Variants in CDC25C observed in about 807,000 individuals in gnomAD.
CDC25C encodes cell division cycle 25C.
In CDC25C, 48 loss-of-function variants were observed where a neutral mutation model predicts 52.5. The observed-to-expected ratio is 0.91, with a 90% confidence interval of 0.72 to 1.16. The LOEUF (loss-of-function observed/expected upper bound fraction) is 1.16, where lower values mean the gene tolerates loss of function less well. Among genes scored for constraint, CDC25C ranks in the 50% most tolerant of loss-of-function variants. The probability of loss-of-function intolerance (pLI) is 0.00; values close to 1 mark genes in which losing one functional copy is unlikely to be tolerated. For missense variants in CDC25C, 510 were observed against 566.1 expected, an observed-to-expected ratio of 0.90 and a Z score of 1.01; for synonymous variants, 187 against 206.5, an observed-to-expected ratio of 0.91 and a Z score of 0.81.
At chr5:138,319,497 G>A in intron 6 of CDC25C, 123 bp from the exon 7 acceptor site, 1 of 653,970 alleles carries the variant, frequency 1.5e-6, no homozygotes, top group Non-Finnish European at 2.3e-6. Context: ...CACTGGATTT[G>A]GATAATGCCA....
intron 7 of CDC25C, among the ~76,000 whole-genome samples, chr5:138,292,597 T>C (rs963662633): frequency 1.5e-5 from 2 of 132,594 alleles, no homozygotes; most frequent in African/African-American, 2.9e-5. Flanking sequence ...AGAAGAAAAA[T>C]AGCAAAAGAA....
intron 7 of CDC25C, among the ~76,000 whole-genome samples, chr5:138,305,624 C>G (rs2126728469): frequency 6.6e-6 from 1 of 152,256 alleles, no homozygotes; most frequent in African/African-American, 2.4e-5. Context: ...TGGTCTCAAA[C>G]TTGTCGACTC....
At chr5:138,316,995 G>A (rs1194850728) in intron 7 of CDC25C, among the ~76,000 whole-genome samples, 2 of 152,198 alleles carry the variant, frequency 1.3e-5, no homozygotes, top group Non-Finnish European at 2.9e-5. Flanking sequence ...GGCCAGAAAA[G>A]CAACACCCTA....
chr5:138,319,968 A>G (rs1045842748), intron 6 of CDC25C, among the ~76,000 whole-genome samples: 2 of 152,250 alleles, frequency 1.3e-5, no homozygotes, highest in Admixed American at 6.5e-5. Context: ...ATGTAGAATT[A>G]TCATGTAATC....
intron 1 of CDC25C, 113 bp from the exon 2 acceptor site, chr5:138,331,331 G>C: frequency 1.3e-6 from 1 of 772,920 alleles, no homozygotes; most frequent in South Asian, 1.8e-5. Context: ...AACCCCGAAG[G>C]GTGATTCACA....
exon 1 of CDC25C, chr5:138,338,272 G>A: frequency 3.2e-6 from 3 of 946,096 alleles, no homozygotes; most frequent in Non-Finnish European, 4.4e-6. Flanking sequence ...GCTCAGAGCT[G>A]CTCCGGCCGC....
chr5:138,311,808 A>G (rs984792782), intron 7 of CDC25C, among the ~76,000 whole-genome samples: 1 of 152,222 alleles, frequency 6.6e-6, no homozygotes, highest in Non-Finnish European at 1.5e-5. Context: ...TATTTATCTG[A>G]TAAGGGATTG....
At chr5:138,312,328 T>C (rs1214273339) in intron 7 of CDC25C, among the ~76,000 whole-genome samples, 2 of 152,104 alleles carry the variant, frequency 1.3e-5, no homozygotes, top group East Asian at 1.9e-4. Flanking sequence ...CATGATCACA[T>C]CACTGCACTG....
At position 138,310,834 on chromosome 5, in the gene CDC25C, G is replaced by A. The variant is rs576792320; in HGVS notation, c.615+8385C>T. ...TTTCCTTCAATAGGGACTTCGAATG[G>A]TGGTCAGATAGGGTTAGTTATCCTT... is the stretch of plus-strand genomic sequence containing the variant. On this transcript the variant is annotated intron_variant, in intron 7 of 13. Transcript: ENST00000323760. Among the ~76,000 whole-genome samples, 3 of 152,280 alleles carry A rather than the reference G, an allele frequency of 2.0e-5. No homozygotes were observed. In the East Asian group the frequency reaches 5.8e-4, roughly 29 times the overall value.
chr5:138,324,688 G>C (rs1308990752), intron 6 of CDC25C, among the ~76,000 whole-genome samples: 6 of 151,946 alleles, frequency 3.9e-5, no homozygotes, highest in African/African-American at 1.5e-4. Context: ...AACCCAGGAG[G>C]TAGAGGTTGC....
chr5:138,287,354 C>T, intron 10 of CDC25C, 87 bp from the exon 11 acceptor site: 1 of 858,234 alleles, frequency 1.2e-6, no homozygotes, highest in South Asian at 1.5e-5. Context: ...CAAGCATACT[C>T]CTGTTCTGTC....
In CDC25C at chr5:138,286,480, CCCATTTAGA is replaced by C; in HGVS notation, c.1160+8_1160+16del. The C allele has an allele frequency of 6.2e-7, 1 of 1,602,030 alleles. No homozygotes were observed. The highest frequency in any genetic ancestry group is 8.5e-7 in the Non-Finnish European group (1 of 1,173,514). On this transcript the variant is annotated splice_region_variant and intron_variant, in intron 12 of 13. Coordinates refer to ENST00000323760, the MANE Select transcript of CDC25C (RefSeq NM_001790.5). ...AATCCATTTCCATCACCCGCCAGAC[CCCATTTAGA>C]CACTCACATTCGGGGGCCCCTCTCT... is the stretch of plus-strand genomic sequence containing the variant.
intron 10 of CDC25C, among the ~76,000 whole-genome samples, chr5:138,288,555 G>A (rs577469113): frequency 6.6e-6 from 1 of 152,124 alleles, no homozygotes; most frequent in Non-Finnish European, 1.5e-5. Context: ...AAATTAGTCG[G>A]TGTGATGGCT....
At chr5:138,332,447 G>A (rs1369297669), upstream of CDC25C, among the ~76,000 whole-genome samples, 2 of 152,142 alleles carry the variant, frequency 1.3e-5, no homozygotes, top group African/African-American at 4.8e-5. Context: ...GCTCACGTGG[G>A]TAAAAAGAAA....
At chr5:138,303,028 C>T (rs182935142) in intron 7 of CDC25C, among the ~76,000 whole-genome samples, 151 of 152,204 alleles carry the variant, frequency 9.9e-4, no homozygotes, top group African/African-American at 3.3e-3. Flanking sequence ...TGTGATTGTG[C>T]CACGCACTCC....
In CDC25C at chr5:138,327,953, G is replaced by A. The variant is rs536916443; in HGVS notation, c.335+531C>T. Among the ~76,000 whole-genome samples, 11 of 151,436 alleles carry A rather than the reference G, an allele frequency of 7.3e-5. No individual in the cohort carries two copies. In the South Asian group the frequency reaches 1.5e-3, roughly 20 times the overall value. ...GCAGTCTTGGCTCACTGCAACCTCC[G>A]CCTCCTGGGCTCAAGTAATTCTCCT... On this transcript the variant is annotated intron_variant, in intron 4 of 13. Coordinates refer to ENST00000323760, the MANE Select transcript of CDC25C (RefSeq NM_001790.5).
At chr5:138,296,119 A>C (rs946322406) in intron 7 of CDC25C, among the ~76,000 whole-genome samples, 3 of 152,180 alleles carry the variant, frequency 2.0e-5, no homozygotes, top group Non-Finnish European at 4.4e-5. Flanking sequence ...GCAGCATCTG[A>C]CAGTCACTTC....
At chr5:138,290,551 A>G (rs1756621540) in intron 9 of CDC25C, 88 bp downstream of exon 9, 4 of 773,466 alleles carry the variant, frequency 5.2e-6, no homozygotes, top group East Asian at 5.0e-5. Context: ...GTGAGGATGC[A>G]TATTTACACC....
intron 7 of CDC25C, among the ~76,000 whole-genome samples, chr5:138,298,567 T>A (rs943207256): frequency 6.6e-6 from 1 of 151,074 alleles, no homozygotes; most frequent in African/African-American, 2.4e-5. Flanking sequence ...CTGGCCAACA[T>A]GGTGAAATCC....
Sources: gnomAD v4.1 joint callset for allele counts (sites outside exome capture counted in the v4.1 genomes callset) on GRCh38, gnomAD v4.1.1 for gene constraint, MANE v1.5 for transcripts, NCBI Gene and HGNC (gene_info 2026-07-23, HGNC 2026-07-21) for gene names.